The following PDE10A variants were observed in gnomAD, a reference collection of about 807,000 sequenced individuals.
PDE10A encodes phosphodiesterase 10A.
PDE10A carries 39 observed loss-of-function variants against 97.7 expected under a neutral mutation model. The observed-to-expected ratio is 0.40, with a 90% CI of 0.31 to 0.52. The LOEUF (loss-of-function observed/expected upper bound fraction) is 0.52. Among genes scored for constraint, PDE10A ranks in the 20% least tolerant of loss-of-function variants. The pLI is 0.56. For missense variants in PDE10A, 731 were observed against 1,047.8 expected (o/e 0.70, Z 4.17); for synonymous variants, 371 against 376.8 (o/e 0.98, Z 0.18).
intron 2 of PDE10A, among the ~76,000 whole-genome samples, chr6:165,504,442 T>A (rs898729646): frequency 6.6e-6 from 1 of 152,222 alleles, no homozygotes; most frequent in Non-Finnish European, 1.5e-5. Flanking sequence ...TCCAGTATGA[T>A]CCTGGCCCAA....
intron 18 of PDE10A, among the ~76,000 whole-genome samples, chr6:165,374,982 C>G (rs904972581): frequency 1.8e-4 from 28 of 152,090 alleles, no homozygotes; most frequent in Non-Finnish European, 3.1e-4. Flanking sequence ...ATGAATTACA[C>G]CCATATATGA....
intron 1 of PDE10A, among the ~76,000 whole-genome samples, chr6:165,843,551 C>A (rs74442293): frequency 0.037 from 5,655 of 152,294 alleles, 140 homozygotes; most frequent in Middle Eastern, 0.078. Context: ...CTGCTGGCTG[C>A]GTCCTCAATG....
In PDE10A at chr6:165,445,649, TCTC is replaced by T. The variant is rs371051485; in HGVS notation, c.1194+3276_1194+3278del. On this transcript the variant is annotated intron_variant, in intron 5 of 21. Transcript: ENST00000539869. Reference sequence around the variant, plus strand: ...ATTAGTACTGGAGGGAAAATAACAATCTCCTCTGAGAAGTCATAATTGTGCATC... The same window carrying T: ...ATTAGTACTGGAGGGAAAATAACAATCTCTGAGAAGTCATAATTGTGCATC... Among the ~76,000 whole-genome samples the T allele has an allele frequency of 5.8e-4, 88 of 152,268 alleles. No individual in the cohort carries two copies. In the East Asian group the frequency reaches 0.015, roughly 26 times the overall value.
At chr6:165,826,265 GCCCTCTGACTCGATGT>G (rs1308415276) in intron 1 of PDE10A, among the ~76,000 whole-genome samples, 3 of 151,870 alleles carry the variant, frequency 2.0e-5, no homozygotes, top group Non-Finnish European at 2.9e-5. Context: ...GGCCACGATG[GCCCTCTGACTCGATGT>G]CCCTCTGTCC....
chr6:165,582,266 G>A (rs1404292312), intron 1 of PDE10A, among the ~76,000 whole-genome samples: 2 of 152,122 alleles, frequency 1.3e-5, no homozygotes, highest in Non-Finnish European at 2.9e-5. Flanking sequence ...GCTGTTTTGA[G>A]TAGTCACTAT....
chr6:165,619,419 G>GTC (rs1787956610), intron 1 of PDE10A, among the ~76,000 whole-genome samples: 4 of 19,416 alleles, frequency 2.1e-4, no homozygotes, highest in East Asian at 1.2e-3. Flanking sequence ...CTAGTGTAGT[G>GTC]TAGTGTAGTA....
intron 1 of PDE10A, chr6:165,946,907 A>C (rs769343723): frequency 6.6e-6 from 1 of 152,248 alleles, no homozygotes; most frequent in Admixed American, 6.5e-5. Flanking sequence ...TAATTTTATA[A>C]CCATTTTTTT....
At chr6:165,384,258 C>T (rs1785110264) in intron 17 of PDE10A, among the ~76,000 whole-genome samples, 1 of 151,920 alleles carries the variant, frequency 6.6e-6, no homozygotes, top group Non-Finnish European at 1.5e-5. Flanking sequence ...ATGGTGCTTG[C>T]CACTTGGGAG....
intron 1 of PDE10A, among the ~76,000 whole-genome samples, chr6:165,703,460 C>T (rs2128444242): frequency 6.6e-6 from 1 of 152,348 alleles, no homozygotes; most frequent in South Asian, 2.1e-4. Context: ...CTCACACTTG[C>T]TGCTAATGTA....
intron 1 of PDE10A, among the ~76,000 whole-genome samples, chr6:165,912,523 A>G (rs937813514): frequency 5.3e-5 from 8 of 152,054 alleles, no homozygotes; most frequent in African/African-American, 1.9e-4. Flanking sequence ...CAGTTTTTGC[A>G]TTTTCTTGCC....
chr6:165,840,707 G>T (rs759372230), intron 1 of PDE10A, among the ~76,000 whole-genome samples: 1 of 152,144 alleles, frequency 6.6e-6, no homozygotes, highest in African/African-American at 2.4e-5. Context: ...CATTTCTATT[G>T]ATATAGGAAT....
intron 1 of PDE10A, among the ~76,000 whole-genome samples, chr6:165,630,883 C>T (rs1428118564): frequency 6.6e-6 from 1 of 152,158 alleles, no homozygotes; most frequent in East Asian, 1.9e-4. Context: ...AGAGACTGAA[C>T]AAAACGGGCA....
Position 165,662,461 on chromosome 6 carries a change from G to A in PDE10A, c.351C>T (p.Tyr117=). The A allele has an allele frequency of 6.7e-6, 1 of 149,504 alleles. No individual in the cohort carries two copies. Among genetic ancestry groups the A allele is most frequent in the South Asian group, 1.9e-4 (1 of 5,278 alleles). The allele number at this position is 149,504 out of a possible 1,614,324, so 9.3% of individuals were successfully genotyped here. A position where few individuals can be genotyped will look rare whatever the true frequency, so the allele number is the denominator to read the frequency against. ...GGGGCGGGGGGGGCGGCGGCCAGAAGTAAAAGAAAGATGGAGAGGAGGAGG... is the reference window on the plus strand; with the variant it reads ...GGGGCGGGGGGGGCGGCGGCCAGAAATAAAAGAAAGATGGAGAGGAGGAGG... ...RVPSSSPSFF[Y]FWPPPPPPPP... is the part of the protein sequence containing the mutation. The change falls in exon 1 of 22, where the codon TAC becomes TAT. Residue 117 remains tyrosine (Y), a synonymous_variant. Transcript: ENST00000539869.
chr6:165,838,496 C>A (rs948803403), intron 1 of PDE10A, among the ~76,000 whole-genome samples: 1 of 152,172 alleles, frequency 6.6e-6, no homozygotes, highest in Non-Finnish European at 1.5e-5. Flanking sequence ...GCAACCATAA[C>A]CACTATCTAC....
At chr6:165,585,759 G>A (rs1785873550) in intron 1 of PDE10A, among the ~76,000 whole-genome samples, 1 of 152,162 alleles carries the variant, frequency 6.6e-6, no homozygotes, top group Non-Finnish European at 1.5e-5. Flanking sequence ...TGTTAGAGCA[G>A]CCACAGGAAA....
intron 1 of PDE10A, among the ~76,000 whole-genome samples, chr6:165,578,871 G>T (rs1785461883): frequency 6.6e-6 from 1 of 152,172 alleles, no homozygotes; most frequent in Non-Finnish European, 1.5e-5. Flanking sequence ...ACATCAGTGG[G>T]ATAAGAAGTG....
intron 1 of PDE10A, among the ~76,000 whole-genome samples, chr6:165,827,318 G>A (rs1333065998): frequency 2.6e-5 from 4 of 152,330 alleles, no homozygotes; most frequent in Admixed American, 6.5e-5. Flanking sequence ...CGGGGCGGGG[G>A]CACCCGGTGT....
intron 10 of PDE10A, among the ~76,000 whole-genome samples, chr6:165,427,588 G>A (rs1315296065): frequency 2.0e-5 from 3 of 152,060 alleles, no homozygotes; most frequent in Non-Finnish European, 4.4e-5. Flanking sequence ...GCACATATCC[G>A]TGAATATAGT....
chr6:165,532,019 A>G (rs1782808818), intron 2 of PDE10A, among the ~76,000 whole-genome samples: 1 of 152,202 alleles, frequency 6.6e-6, no homozygotes, highest in Non-Finnish European at 1.5e-5. Context: ...TAAAAACCCA[A>G]AAACTTTTTT....
Sources: gnomAD v4.1 joint callset for allele counts (sites outside exome capture counted in the v4.1 genomes callset) on GRCh38, gnomAD v4.1.1 for gene constraint, MANE v1.5 for transcripts, NCBI Gene and HGNC (gene_info 2026-07-23, HGNC 2026-07-21) for gene names.